TBK1: variants seen among roughly 807,000 people sequenced by gnomAD.
TBK1 encodes serine/threonine-protein kinase TBK1.
Under a neutral mutation model 99.9 loss-of-function variants are expected in TBK1, and 37 were observed. The observed-to-expected ratio is 0.37, with a 90% CI of 0.28 to 0.49. The LOEUF is 0.49. TBK1 is among the 20% of genes least tolerant of loss of function. TBK1 has a pLI of 0.98. For missense variants in TBK1, 644 were observed against 872.5 expected, an observed-to-expected ratio of 0.74 and a Z score of 3.30; for synonymous variants, 258 against 279.8, an observed-to-expected ratio of 0.92 and a Z score of 0.78.
At chr12:64,497,621 C>CTTTTTTTTTTTTT in intron 18 of TBK1, 27 bp from the exon 19 acceptor site, 10 of 1,024,170 alleles carry the variant, frequency 9.8e-6, no homozygotes, top group East Asian at 5.5e-5. Flanking sequence ...GGGTTTTTTT[C>CTTTTTTTTTTTTT]TTTTTTTTTT....
chr12:64,497,948 G>T lies in TBK1; in HGVS notation c.2067-20G>T. 6.2e-7 allele frequency: 1 copy of T among 1,600,866 alleles called. No homozygotes were observed. The highest frequency in any genetic ancestry group is 8.5e-7 in the Non-Finnish European group (1 of 1,171,982). The stretch of plus-strand genomic sequence containing the variant: ...ATTTGCATACTGTTTTTGAGCAAAG[G>T]TGCTTGTTTATTTTATTAGTATGAA... On this transcript the variant is annotated intron_variant, in intron 19 of 20. Coordinates refer to ENST00000331710, the MANE Select transcript of TBK1 (RefSeq NM_013254.4).
At chr12:64,485,583 A>G (rs1771518044) in intron 10 of TBK1, 70 bp downstream of exon 10, 3 of 768,964 alleles carry the variant, frequency 3.9e-6, no homozygotes, top group Admixed American at 2.8e-5. Context: ...GGAAGCAATA[A>G]CATGTATTGT....
At chr12:64,458,116 C>CACAT (rs1171179163) in intron 2 of TBK1, among the ~76,000 whole-genome samples, 3 of 151,652 alleles carry the variant, frequency 2.0e-5, no homozygotes, top group South Asian at 4.2e-4. Flanking sequence ...CACACACACA[C>CACAT]ACACATACAC....
chr12:64,497,802 T>C lies in TBK1; in HGVS notation c.2066+48T>C. 4 of 1,488,944 alleles carry C rather than the reference T, an allele frequency of 2.7e-6. No individual in the cohort carries two copies. The East Asian group carries it at 9.1e-5, about 34-fold the overall frequency. The allele number at this position is 1,488,944 out of a possible 1,614,324, so 92.2% of individuals were successfully genotyped here. On this transcript the variant is annotated intron_variant, in intron 19 of 20. Coordinates refer to ENST00000331710, the MANE Select transcript of TBK1 (RefSeq NM_013254.4). ...ACTGTAGTGTTTCCATTTGCTTTCA[T>C]TGCAGTTTGTGCTTTTGCTCTTACA...
chr12:64,470,570 A>G (rs1432703450), intron 5 of TBK1, among the ~76,000 whole-genome samples: 1 of 152,244 alleles, frequency 6.6e-6, no homozygotes, highest in African/African-American at 2.4e-5. Flanking sequence ...ACATTCTTGG[A>G]AAAGCTGTAC....
chr12:64,482,286 A>G (rs926716190), intron 8 of TBK1, among the ~76,000 whole-genome samples: 1 of 152,176 alleles, frequency 6.6e-6, no homozygotes, highest in Non-Finnish European at 1.5e-5. Context: ...CCTTCTTTCA[A>G]GTTACATAAT....
intron 2 of TBK1, 42 bp downstream of exon 2, chr12:64,455,999 G>GCATCTTAGAACAAAATACA: frequency 6.9e-7 from 1 of 1,443,610 alleles, no homozygotes; most frequent in Non-Finnish European, 9.6e-7. Context: ...ATCACTGTAT[G>GCATCTTAGAACAAAATACA]TATTTTGTTC....
chr12:64,473,994 C>T (rs1367797786), intron 5 of TBK1, among the ~76,000 whole-genome samples: 1 of 152,072 alleles, frequency 6.6e-6, no homozygotes, highest in Non-Finnish European at 1.5e-5. Flanking sequence ...GAGTGCTGGT[C>T]TGATTCCTTC....
intron 20 of TBK1, among the ~76,000 whole-genome samples, chr12:64,500,236 A>G (rs1043287990): frequency 2.0e-5 from 3 of 152,148 alleles, no homozygotes; most frequent in African/African-American, 7.2e-5. Flanking sequence ...ATAACCCACT[A>G]TCACTTCAAA....
intron 11 of TBK1, among the ~76,000 whole-genome samples, chr12:64,487,913 G>A (rs2040834512): frequency 6.6e-6 from 1 of 152,154 alleles, no homozygotes; most frequent in African/African-American, 2.4e-5. Flanking sequence ...GACATCACAA[G>A]TTGAGCATCC....
chr12:64,489,213 T>C (rs1416186432), intron 12 of TBK1, among the ~76,000 whole-genome samples: 1 of 152,090 alleles, frequency 6.6e-6, no homozygotes, highest in Admixed American at 6.5e-5. Flanking sequence ...ACAAAGGAAA[T>C]AGGAAGAGAT....
intron 6 of TBK1, among the ~76,000 whole-genome samples, chr12:64,474,871 A>C (rs2040696452): frequency 6.6e-6 from 1 of 152,206 alleles, no homozygotes; most frequent in Admixed American, 6.5e-5. Flanking sequence ...TAATCCCAGC[A>C]CTTTGGGAGG....
In TBK1 at chr12:64,498,607, C is replaced by T. The variant is rs73313900; in HGVS notation, c.2138+568C>T. On this transcript the variant is annotated intron_variant, in intron 20 of 20. Coordinates refer to ENST00000331710, the MANE Select transcript of TBK1 (RefSeq NM_013254.4). Reference sequence around the variant, plus strand: ...CTCTGTAATAGAACCTTTTCTTTTTCAAGCCCTTAGGTTCTCCTCTATAGG... The same window carrying T: ...CTCTGTAATAGAACCTTTTCTTTTTTAAGCCCTTAGGTTCTCCTCTATAGG... Among the ~76,000 whole-genome samples the T allele has an allele frequency of 2.8e-3, 423 of 152,306 alleles. 1 individual carries two copies. Among genetic ancestry groups the T allele is most frequent in the African/African-American group, 9.8e-3 (408 of 41,568 alleles).
At chr12:64,469,284 G>C (rs969921220) in intron 5 of TBK1, among the ~76,000 whole-genome samples, 1 of 151,958 alleles carries the variant, frequency 6.6e-6, no homozygotes, top group African/African-American at 2.4e-5. Flanking sequence ...AATTCTCCAC[G>C]TGAATGTAAG....
At position 64,473,627 on chromosome 12, in the gene TBK1, G is replaced by A. The variant is rs546221200; in HGVS notation, c.541-603G>A. Among the ~76,000 whole-genome samples, 57 of 152,230 alleles carry A rather than the reference G, an allele frequency of 3.7e-4. 1 individual carries two copies. The South Asian group carries it at 0.012, about 31-fold the overall frequency. ...CCATTGTGACTGGAAAGTAGGCCTG[G>A]AAAATGGACACAGATTGGCCAGGTG... On this transcript the variant is annotated intron_variant, in intron 5 of 20. Transcript: ENST00000331710.
At chr12:64,497,614 T>G (rs751749487) in intron 18 of TBK1, 34 bp from the exon 19 acceptor site, 206 of 1,311,364 alleles carry the variant, frequency 1.6e-4, no homozygotes, top group Admixed American at 2.9e-4. Flanking sequence ...TAATGTGGGG[T>G]TTTTTTCTTT....
chr12:64,495,330 ACT>A, intron 13 of TBK1, 151 bp from the exon 14 acceptor site: 1 of 949,236 alleles, frequency 1.1e-6, no homozygotes, highest in Non-Finnish European at 1.5e-6. Context: ...AACCTAAGAA[ACT>A]CTTTTGTATT....
intron 13 of TBK1, among the ~76,000 whole-genome samples, chr12:64,494,141 A>G (rs745473881): frequency 4.6e-5 from 7 of 152,176 alleles, no homozygotes; most frequent in African/African-American, 1.4e-4. Flanking sequence ...GACATAAAGC[A>G]TAAAAACCGA....
chr12:64,461,211 A>C (rs1381448927), intron 3 of TBK1, among the ~76,000 whole-genome samples: 1 of 151,154 alleles, frequency 6.6e-6, no homozygotes, highest in Non-Finnish European at 1.5e-5. Flanking sequence ...GAAAAAATCG[A>C]ACTTTAAAAA....
Sources: allele counts gnomAD v4.1 joint callset (sites outside exome capture counted in the v4.1 genomes callset), GRCh38; gene constraint gnomAD v4.1.1; transcripts MANE v1.5; gene names NCBI Gene and HGNC (gene_info 2026-07-23, HGNC 2026-07-21).